SLC39A8: variants seen among roughly 807,000 people sequenced by gnomAD.
The protein encoded by SLC39A8 is metal cation symporter ZIP8.
SLC39A8 carries 15 observed loss-of-function variants against 40.4 expected under a neutral mutation model. The observed-to-expected ratio is 0.37, with a 90% CI of 0.25 to 0.57. The LOEUF (loss-of-function observed/expected upper bound fraction) is 0.57, where lower values mean the gene tolerates loss of function less well. Among genes scored for constraint, SLC39A8 ranks in the 20% least tolerant of loss-of-function variants. The probability of loss-of-function intolerance (pLI) is 0.75; values close to 1 mark genes in which losing one functional copy is unlikely to be tolerated. For synonymous variants in SLC39A8, 223 were observed against 221.6 expected (o/e 1.01, Z -0.06); for missense variants, 472 against 558.8 (o/e 0.84, Z 1.57).
intron 2 of SLC39A8, among the ~76,000 whole-genome samples, chr4:102,341,565 A>G (rs748236329): frequency 9.2e-5 from 14 of 152,156 alleles, no homozygotes; most frequent in Middle Eastern, 3.2e-3. Context: ...CCAGAGACCT[A>G]TTTGGCTAAA....
In SLC39A8 at chr4:102,262,381, C is replaced by T. The variant is rs927371096; in HGVS notation, c.*663G>A. On this transcript the variant is annotated 3_prime_UTR_variant, in exon 9 of 9. Transcript: ENST00000356736. ...GGAATCTGGTGAAGTTTATACTTAG[C>T]GATAAGCCTCTAAGCCTGAACTTAG... 136 of 985,332 alleles carry T rather than the reference C, an allele frequency of 1.4e-4. No individual in the cohort carries two copies. Among genetic ancestry groups the T allele is most frequent in the Non-Finnish European group, 1.5e-4 (123 of 829,912 alleles). 61.0% of individuals were successfully genotyped at this position (985,332 alleles called of 1,614,324 possible). A position where few individuals can be genotyped will look rare whatever the true frequency, so the allele number is the denominator to read the frequency against.
intron 3 of SLC39A8, 45 bp downstream of exon 3, chr4:102,315,623 T>C: frequency 1.3e-6 from 2 of 1,549,808 alleles, no homozygotes; most frequent in East Asian, 2.3e-5. Flanking sequence ...TTCACAATGG[T>C]TCATAGACTT....
At chr4:102,280,389 C>T (rs2149015233) in intron 6 of SLC39A8, among the ~76,000 whole-genome samples, 1 of 152,232 alleles carries the variant, frequency 6.6e-6, no homozygotes, top group Middle Eastern at 3.4e-3. Context: ...AAGTCTAATG[C>T]TCATTCCACA....
rs374822127 is a variant in SLC39A8, at chr4:102,328,879, T to A, written c.220-13049A>T. Among the ~76,000 whole-genome samples the A allele has an allele frequency of 3.3e-5, 5 of 151,948 alleles. No homozygotes were observed. In the East Asian group the frequency reaches 5.8e-4, roughly 18 times the overall value. On this transcript the variant is annotated intron_variant, in intron 2 of 8. Transcript: ENST00000356736. ...TCTCTACTAAAAAAATACAAAAAAA[T>A]TAGCTGGGCTTGGTGGTGGGCGCCT...
chr4:102,331,286 G>T (rs559383815), intron 2 of SLC39A8, among the ~76,000 whole-genome samples: 1 of 152,280 alleles, frequency 6.6e-6, no homozygotes, highest in Non-Finnish European at 1.5e-5. Flanking sequence ...CATCGTCTCA[G>T]CCCAAAATCT....
chr4:102,273,720 C>G (rs1732478910), intron 6 of SLC39A8, among the ~76,000 whole-genome samples: 1 of 152,156 alleles, frequency 6.6e-6, no homozygotes, highest in Admixed American at 6.5e-5. Context: ...CTGATGGGTG[C>G]CCATCTGGGA....
rs188950086 is a variant in SLC39A8, at chr4:102,320,395, T to A, written c.220-4565A>T. On this transcript the variant is annotated intron_variant, in intron 2 of 8. Coordinates refer to ENST00000356736, the MANE Select transcript of SLC39A8 (RefSeq NM_001135146.2). ...ATATATATGAGAATATATATATGAG[T>A]ATATATATATGAGAATATATATATG... Among the ~76,000 whole-genome samples, 470 of 64,774 alleles carry A rather than the reference T, an allele frequency of 7.3e-3. 9 individuals carry two copies. The highest frequency in any genetic ancestry group is 0.026 in the African/African-American group (427 of 16,152). The allele number at this position is 64,774 out of a possible 152,430, so 42.5% of individuals were successfully genotyped here. A position where few individuals can be genotyped will look rare whatever the true frequency, so the allele number is the denominator to read the frequency against.
At chr4:102,268,555 G>C (rs148854602) in intron 6 of SLC39A8, among the ~76,000 whole-genome samples, 318 of 152,292 alleles carry the variant, frequency 2.1e-3, no homozygotes, top group African/African-American at 6.8e-3. Context: ...ATGTGACAGG[G>C]AGCAAGTTAT....
At chr4:102,253,968 C>T (rs1203947722) in intron 11 of SLC39A8, among the ~76,000 whole-genome samples, 2 of 152,114 alleles carry the variant, frequency 1.3e-5, no homozygotes, top group Non-Finnish European at 2.9e-5. Flanking sequence ...CATATTTACA[C>T]TCTACAGTTC....
intron 6 of SLC39A8, among the ~76,000 whole-genome samples, chr4:102,284,794 A>G (rs1202446555): frequency 6.6e-6 from 1 of 151,912 alleles, no homozygotes; most frequent in Admixed American, 6.6e-5. Context: ...TACTTTCTAA[A>G]TGGAAATAAT....
chr4:102,326,325 G>T (rs551214939), intron 2 of SLC39A8, among the ~76,000 whole-genome samples: 2 of 152,198 alleles, frequency 1.3e-5, no homozygotes, highest in Non-Finnish European at 2.9e-5. Context: ...ACTTTGGGAG[G>T]CCGAGGCGGG....
intron 8 of SLC39A8, among the ~76,000 whole-genome samples, chr4:102,267,273 C>T (rs923727688): frequency 4.6e-5 from 7 of 152,218 alleles, no homozygotes; most frequent in South Asian, 2.1e-4. Flanking sequence ...TCAAACAATA[C>T]GATTATGTTT....
intron 2 of SLC39A8, among the ~76,000 whole-genome samples, chr4:102,337,561 G>A (rs1487070895): frequency 6.6e-6 from 1 of 152,192 alleles, no homozygotes; most frequent in African/African-American, 2.4e-5. Flanking sequence ...TGATTCTGTT[G>A]AAGTACTTGG....
At chr4:102,310,426 G>A (rs1734382321) in intron 3 of SLC39A8, among the ~76,000 whole-genome samples, 1 of 152,130 alleles carries the variant, frequency 6.6e-6, no homozygotes, top group Non-Finnish European at 1.5e-5. Context: ...TTCATCCTCA[G>A]TGCCTAGAAA....
intron 2 of SLC39A8, among the ~76,000 whole-genome samples, chr4:102,328,699 T>C (rs1396479945): frequency 2.6e-5 from 4 of 152,182 alleles, no homozygotes; most frequent in East Asian, 3.8e-4. Context: ...TCATGGACCA[T>C]ACAGACTATT....
intron 6 of SLC39A8, among the ~76,000 whole-genome samples, chr4:102,301,626 A>G (rs891095707): frequency 6.6e-6 from 1 of 152,082 alleles, no homozygotes; most frequent in Non-Finnish European, 1.5e-5. Context: ...TAAGTAAATG[A>G]AAGCATTACT....
rs749191120 is a variant in SLC39A8 at position 102,304,471 on chromosome 4, G to T, written c.686C>A (p.Thr229Asn). Residue 229 changes from threonine to asparagine, a missense_variant, in exon 6 of 9, where the codon ACC becomes AAC. By Grantham distance (65) the Thr-to-Asn change is moderately conservative. Around this residue, in one of 4 missense-constraint regions of SLC39A8, gnomAD observed 239 missense variants for 317.9 expected, o/e 0.75. Coordinates refer to ENST00000356736, the MANE Select transcript of SLC39A8 (RefSeq NM_001135146.2). ...LLKTYGQNGH[T>N]HFGNDNFGPQ... ...ACCAAAGTTATCATTTCCAAAGTGG[G>T]TATGACCATTCTATATGGGAACAAA... 8.9e-5 allele frequency: 143 copies of T among 1,609,940 alleles called. No individual in the cohort carries two copies. Among genetic ancestry groups the T allele is most frequent in the Non-Finnish European group, 1.2e-4 (136 of 1,177,580 alleles).
intron 2 of SLC39A8, among the ~76,000 whole-genome samples, chr4:102,335,944 T>C (rs562926306): frequency 6.6e-6 from 1 of 152,274 alleles, no homozygotes; most frequent in East Asian, 1.9e-4. Context: ...GGTGTTCAGA[T>C]CATCAATGGA....
At chr4:102,330,272 T>C (rs1735393790) in intron 2 of SLC39A8, among the ~76,000 whole-genome samples, 1 of 151,998 alleles carries the variant, frequency 6.6e-6, no homozygotes, top group South Asian at 2.1e-4. Flanking sequence ...AGATAGATTG[T>C]TAGCTAGACA....
Sources: gnomAD v4.1 joint callset for allele counts (sites outside exome capture counted in the v4.1 genomes callset) on GRCh38, gnomAD v4.1.1 for gene constraint, gnomAD v4.1.1 regional missense constraint, MANE v1.5 for transcripts, NCBI Gene and HGNC (gene_info 2026-07-23, HGNC 2026-07-21) for gene names.